The following NTNG1 variants were observed in gnomAD, a reference collection of about 807,000 sequenced individuals.
The protein encoded by NTNG1 is netrin-G1.
In NTNG1, 16 loss-of-function variants were observed where a neutral mutation model predicts 54.0. The ratio of observed to expected loss-of-function variants is 0.30; its 90% CI spans 0.20 to 0.45. NTNG1 has a LOEUF of 0.45. Ranked by LOEUF, NTNG1 falls within the 20% of genes least tolerant of loss-of-function variation. NTNG1 has a pLI of 1.00. For missense variants in NTNG1, 530 were observed against 678.7 expected, an observed-to-expected ratio of 0.78 and a Z score of 2.43; for synonymous variants, 255 against 263.1, an observed-to-expected ratio of 0.97 and a Z score of 0.30.
intron 3 of NTNG1, among the ~76,000 whole-genome samples, chr1:107,325,301 G>A (rs1480448309): frequency 6.6e-6 from 1 of 152,044 alleles, no homozygotes; most frequent in Non-Finnish European, 1.5e-5. Flanking sequence ...GCAAAGCAGG[G>A]ATTCAACATG....
In NTNG1 at chr1:107,230,424, T is replaced by C. The variant is rs1358389695; in HGVS notation, c.246+81585T>C. 2.0e-5 allele frequency among the ~76,000 whole-genome samples: 3 copies of C among 152,028 alleles called. No individual in the cohort carries two copies. The East Asian group carries it at 5.8e-4, about 29-fold the overall frequency. ...AGGATTTGTTCCAGATAAGAACAGA[T>C]AAGAAGATAAGAGAGCTCTATGGGA... On this transcript the variant is annotated intron_variant, in intron 2 of 7. Coordinates refer to ENST00000370068, the MANE Select transcript of NTNG1 (RefSeq NM_001113226.3).
chr1:107,325,343 T>C (rs1667891864), intron 3 of NTNG1, among the ~76,000 whole-genome samples: 2 of 152,056 alleles, frequency 1.3e-5, no homozygotes, highest in South Asian at 2.1e-4. Context: ...TTGTGTAATA[T>C]TGCACAAAAA....
At chr1:107,439,457 T>C (rs1281660851) in intron 7 of NTNG1, among the ~76,000 whole-genome samples, 2 of 152,106 alleles carry the variant, frequency 1.3e-5, no homozygotes, top group African/African-American at 2.4e-5. Flanking sequence ...ATCCATCATA[T>C]GGTTTTAAGC....
At chr1:107,279,678 G>A (rs1381178324) in intron 2 of NTNG1, among the ~76,000 whole-genome samples, 2 of 152,176 alleles carry the variant, frequency 1.3e-5, no homozygotes, top group African/African-American at 4.8e-5. Context: ...TTAAAAGAGT[G>A]AAAAGTCTTT....
At chr1:107,329,525 C>T (rs1043920659) in intron 3 of NTNG1, among the ~76,000 whole-genome samples, 4 of 152,124 alleles carry the variant, frequency 2.6e-5, no homozygotes, top group Non-Finnish European at 5.9e-5. Flanking sequence ...CAGTAGAGCA[C>T]TTTTTAAATT....
At chr1:107,196,003 A>G (rs1485422525) in intron 2 of NTNG1, among the ~76,000 whole-genome samples, 1 of 151,860 alleles carries the variant, frequency 6.6e-6, no homozygotes, top group Non-Finnish European at 1.5e-5. Flanking sequence ...TGTAAGCCTC[A>G]TGGAGGATGG....
At chr1:107,182,173 G>C (rs1037688573) in intron 2 of NTNG1, among the ~76,000 whole-genome samples, 4 of 152,052 alleles carry the variant, frequency 2.6e-5, no homozygotes, top group Admixed American at 2.6e-4. Context: ...TTATTGAAAT[G>C]CAAGAGAAGA....
chr1:107,437,093 G>T (rs1675651417), intron 7 of NTNG1, among the ~76,000 whole-genome samples: 1 of 152,098 alleles, frequency 6.6e-6, no homozygotes. Context: ...TAGGGACCCA[G>T]CGTGGAAATC....
chr1:107,258,089 T>C (rs1663041768), intron 2 of NTNG1, among the ~76,000 whole-genome samples: 1 of 152,214 alleles, frequency 6.6e-6, no homozygotes, highest in Admixed American at 6.5e-5. Context: ...TCACTAAACC[T>C]ACAAATGGCA....
At chr1:107,330,256 T>C (rs1450119290) in intron 3 of NTNG1, among the ~76,000 whole-genome samples, 2 of 152,166 alleles carry the variant, frequency 1.3e-5, no homozygotes, top group Admixed American at 1.3e-4. Context: ...TTCTCTCTGA[T>C]TCTCCCATGC....
intron 2 of NTNG1, among the ~76,000 whole-genome samples, chr1:107,239,144 A>T (rs114997009): frequency 5.3e-5 from 8 of 152,306 alleles, no homozygotes; most frequent in Non-Finnish European, 1.0e-4. Context: ...ATACATGGAT[A>T]ACAGGAGAGT....
chr1:107,246,425 T>A (rs1443737848), intron 2 of NTNG1, among the ~76,000 whole-genome samples: 11 of 141,400 alleles, frequency 7.8e-5, no homozygotes, highest in African/African-American at 1.8e-4. Context: ...AAAAAAAAAA[T>A]GTCCTTGTGG....
At chr1:107,446,755 A>G (rs923729568) in intron 7 of NTNG1, among the ~76,000 whole-genome samples, 1 of 152,092 alleles carries the variant, frequency 6.6e-6, no homozygotes, top group Non-Finnish European at 1.5e-5. Flanking sequence ...TCCCATCTTT[A>G]CAAAGTTTTC....
chr1:107,431,257 C>T lies in NTNG1; in HGVS notation c.1255+340C>T, dbSNP rs558030533. 5.7e-3 allele frequency among the ~76,000 whole-genome samples: 871 copies of T among 152,096 alleles called. 11 individuals carry two copies. The highest frequency in any genetic ancestry group is 0.02 in the African/African-American group (832 of 41,472). Reference sequence around the variant, plus strand: ...TGATCTTATAGCCTTAAACTTAAGGCTATACATTCAACTTTCAAAATAGAA... The same window carrying T: ...TGATCTTATAGCCTTAAACTTAAGGTTATACATTCAACTTTCAAAATAGAA... On this transcript the variant is annotated intron_variant, in intron 6 of 7. Coordinates refer to ENST00000370068, the MANE Select transcript of NTNG1 (RefSeq NM_001113226.3).
At chr1:107,376,353 A>G in intron 3 of NTNG1, among the ~76,000 whole-genome samples, 1 of 151,704 alleles carries the variant, frequency 6.6e-6, no homozygotes, top group Non-Finnish European at 1.5e-5. Context: ...GCTTACAGTG[A>G]GCCGAGGTCG....
At chr1:107,213,581 T>C (rs1325200918) in intron 2 of NTNG1, among the ~76,000 whole-genome samples, 2 of 152,116 alleles carry the variant, frequency 1.3e-5, no homozygotes, top group Non-Finnish European at 2.9e-5. Context: ...AAGCAGTGAT[T>C]AGTTCCTCAG....
intron 6 of NTNG1, among the ~76,000 whole-genome samples, chr1:107,434,893 G>A (rs941123677): frequency 6.6e-6 from 1 of 152,136 alleles, no homozygotes; most frequent in Non-Finnish European, 1.5e-5. Context: ...GTTACATAAG[G>A]TGAAGGGAAG....
intron 2 of NTNG1, among the ~76,000 whole-genome samples, chr1:107,294,536 C>T (rs561260366): frequency 2.0e-5 from 3 of 152,136 alleles, no homozygotes; most frequent in East Asian, 1.9e-4. Context: ...ACCTATAATC[C>T]GAAACATATA....
At position 107,432,266 on chromosome 1, in the gene NTNG1, G is replaced by T. The variant is rs551521224; in HGVS notation, c.1255+1349G>T. On this transcript the variant is annotated intron_variant, in intron 6 of 7. Coordinates refer to ENST00000370068, the MANE Select transcript of NTNG1 (RefSeq NM_001113226.3). ...AACTGGCTTGCAGATGTCTTGTTTTGTTTTTACTTAATCCTCATTAACAAA... is the reference window on the plus strand; with the variant it reads ...AACTGGCTTGCAGATGTCTTGTTTTTTTTTTACTTAATCCTCATTAACAAA... Among the ~76,000 whole-genome samples the T allele has an allele frequency of 4.6e-5, 7 of 152,204 alleles. No individual in the cohort carries two copies. The South Asian group carries it at 1.4e-3, about 32-fold the overall frequency.
Sources: allele counts gnomAD v4.1 joint callset (sites outside exome capture counted in the v4.1 genomes callset), GRCh38; gene constraint gnomAD v4.1.1; transcripts MANE v1.5; gene names NCBI Gene and HGNC (gene_info 2026-07-23, HGNC 2026-07-21).